The following SOX13 variants were observed in gnomAD, a reference collection of about 807,000 sequenced individuals.
The protein encoded by SOX13 is transcription factor SOX-13.
Under a neutral mutation model 71.8 loss-of-function variants are expected in SOX13, and 28 were observed. That is an observed-to-expected ratio of 0.39 (90% confidence interval 0.29 to 0.53). The LOEUF is 0.53. SOX13 is among the 20% of genes least tolerant of loss of function. SOX13 has a pLI of 0.70. For missense variants in SOX13, 627 were observed against 810.3 expected (o/e 0.77, Z 2.75); for synonymous variants, 309 against 317.8 (o/e 0.97, Z 0.29).
At chr1:204,115,014 A>AT (rs879275694) in intron 4 of SOX13, among the ~76,000 whole-genome samples, 5,695 of 142,144 alleles carry the variant, frequency 0.04, 145 homozygotes, top group African/African-American at 0.072. Context: ...CCTTAGAGTG[A>AT]TTTTTTTTTT....
intron 7 of SOX13, among the ~76,000 whole-genome samples, chr1:204,120,923 C>T (rs961496936): frequency 6.6e-6 from 1 of 151,698 alleles, no homozygotes; most frequent in East Asian, 1.9e-4. Flanking sequence ...TTTCATAGCT[C>T]TGTGGACAAC....
At chr1:204,101,483 T>TGGTGAGGCTG (rs1656359092) in intron 1 of SOX13, among the ~76,000 whole-genome samples, 1 of 135,064 alleles carries the variant, frequency 7.4e-6, no homozygotes, top group African/African-American at 2.9e-5. Context: ...CTGGGCAACA[T>TGGTGAGGCTG]AGCGAGATTC....
At chr1:204,078,876 CT>C (rs1655837600) in intron 1 of SOX13, among the ~76,000 whole-genome samples, 1 of 152,226 alleles carries the variant, frequency 6.6e-6, no homozygotes, top group Non-Finnish European at 1.5e-5. Context: ...AGAGTGACTG[CT>C]TTTTAAAAAA....
At chr1:204,125,499 G>A (rs1010482727) in intron 13 of SOX13, among the ~76,000 whole-genome samples, 4 of 152,194 alleles carry the variant, frequency 2.6e-5, no homozygotes, top group Non-Finnish European at 4.4e-5. Context: ...GGAGGCTGAC[G>A]CTGCAGTCAG....
rs770692505 is a variant in SOX13 at position 204,114,501 on chromosome 1, C to T, written c.332-18C>T. 5.6e-6 allele frequency: 9 copies of T among 1,610,488 alleles called. No homozygotes were observed. The South Asian group carries it at 9.9e-5, about 18-fold the overall frequency. On this transcript the variant is annotated intron_variant, in intron 3 of 13. Transcript: ENST00000367204. ...AGGTGTTAAGACGGTTATTCCTCAC[C>T]CCTTTGCTGTCTTCCAGTGGTGCCA...
At chr1:204,114,225 G>C in intron 2 of SOX13, 96 bp from the exon 3 acceptor site, 1 of 736,990 alleles carries the variant, frequency 1.4e-6, no homozygotes, top group South Asian at 1.8e-5. Flanking sequence ...ATAGGGCTGG[G>C]ATCCCTCAGG....
At chr1:204,116,796 T>G (rs1236339371) in intron 5 of SOX13, 117 bp downstream of exon 5, 1 of 1,517,714 alleles carries the variant, frequency 6.6e-7, no homozygotes, top group Non-Finnish European at 8.8e-7. Flanking sequence ...GGGGGCAGGC[T>G]GGGCAGGGTC....
intron 4 of SOX13, among the ~76,000 whole-genome samples, chr1:204,115,715 G>C (rs1189698535): frequency 3.8e-5 from 5 of 133,150 alleles, no homozygotes; most frequent in African/African-American, 5.7e-5. Flanking sequence ...TGCCCAGGCT[G>C]GAGCGTAGTG....
Position 204,073,521 on chromosome 1 carries a change from G to C in SOX13, c.-192G>C, listed in dbSNP as rs957692554. ...GCGGACCCAGGGTGGCCGTGGGTCCGCAGCGACTCCCCGGCCGACGGCGGG... is the reference window on the plus strand; with the variant it reads ...GCGGACCCAGGGTGGCCGTGGGTCCCCAGCGACTCCCCGGCCGACGGCGGG... On this transcript the variant is annotated 5_prime_UTR_variant, in exon 1 of 14. Coordinates refer to ENST00000367204, the MANE Select transcript of SOX13 (RefSeq NM_005686.3). The surrounding 1 kb of genome is among the most constrained non-coding windows in gnomAD (Gnocchi z 6.8). The C allele has an allele frequency of 5.9e-5, 9 of 151,616 alleles. No individual in the cohort carries two copies. In the East Asian group the frequency reaches 1.8e-3, roughly 30 times the overall value. The allele number at this position is 151,616 out of a possible 1,614,324, so 9.4% of individuals were successfully genotyped here.
chr1:204,082,331 C>T (rs1232729460), intron 1 of SOX13, among the ~76,000 whole-genome samples: 1 of 152,024 alleles, frequency 6.6e-6, no homozygotes, highest in Non-Finnish European at 1.5e-5. Flanking sequence ...CCATGGGAAC[C>T]AGGCAGGGCC....
intron 7 of SOX13, chr1:204,118,946 G>C (rs1656749673): frequency 6.6e-6 from 1 of 152,218 alleles, no homozygotes; most frequent in Admixed American, 6.5e-5. Context: ...CTAGCAGCAG[G>C]GGATGATACC....
chr1:204,115,508 A>AAG (rs1288821134), intron 4 of SOX13, among the ~76,000 whole-genome samples: 5 of 149,298 alleles, frequency 3.3e-5, no homozygotes, highest in Non-Finnish European at 7.4e-5. Context: ...AAAAAAAAAA[A>AAG]AAAAAGGTCT....
chr1:204,106,287 TGG>T (rs1463390207), intron 1 of SOX13, among the ~76,000 whole-genome samples: 7 of 152,108 alleles, frequency 4.6e-5, no homozygotes, highest in African/African-American at 1.4e-4. Context: ...TAATTGGGTG[TGG>T]GAGAAAAACC....
intron 1 of SOX13, among the ~76,000 whole-genome samples, chr1:204,094,435 A>T (rs112867620): frequency 1.3e-5 from 2 of 152,320 alleles, no homozygotes; most frequent in South Asian, 2.1e-4. Context: ...TTCCTAAGCA[A>T]CAGAGCTGGT....
chr1:204,123,029 G>A lies in SOX13; in HGVS notation c.1134+66G>A. The A allele has an allele frequency of 6.6e-7, 1 of 1,507,612 alleles. No homozygotes were observed. Among genetic ancestry groups the A allele is most frequent in the Non-Finnish European group, 9.2e-7 (1 of 1,087,518 alleles). The allele number at this position is 1,507,612 out of a possible 1,614,324, so 93.4% of individuals were successfully genotyped here. A position where few individuals can be genotyped will look rare whatever the true frequency, so the allele number is the denominator to read the frequency against. ...ATGGTGGCCAGGAGTGGAAGACACA[G>A]TCTGAGGCCACCAAGAGAGGAGCAT... On this transcript the variant is annotated intron_variant, in intron 10 of 13. Coordinates refer to ENST00000367204, the MANE Select transcript of SOX13 (RefSeq NM_005686.3). This position sits in a 1 kb window ranked among gnomAD's most constrained non-coding sequence, Gnocchi z 5.0.
intron 9 of SOX13, 35 bp from the exon 10 acceptor site, chr1:204,122,819 C>T (rs375132236): frequency 9.2e-5 from 124 of 1,352,272 alleles, no homozygotes; most frequent in Non-Finnish European, 1.2e-4. Flanking sequence ...CAGCTTCTCT[C>T]GCTTCTCTTC....
At chr1:204,093,048 A>G (rs1404356970) in intron 1 of SOX13, among the ~76,000 whole-genome samples, 1 of 152,052 alleles carries the variant, frequency 6.6e-6, no homozygotes, top group Non-Finnish European at 1.5e-5. Flanking sequence ...CTGTTTTTGG[A>G]GTGACCCCCA....
Position 204,089,935 on chromosome 1 carries a change from C to T in SOX13, c.-2+16224C>T, listed in dbSNP as rs554429364. 3.3e-5 allele frequency among the ~76,000 whole-genome samples: 5 copies of T among 152,306 alleles called. No homozygotes were observed. In the East Asian group the frequency reaches 5.8e-4, roughly 18 times the overall value. On this transcript the variant is annotated intron_variant, in intron 1 of 13. Coordinates refer to ENST00000367204, the MANE Select transcript of SOX13 (RefSeq NM_005686.3). ...CATCATCTAGTCTTCAAGGGGCCAGCATTGCGTAGAGGGCCATGGTGCCAG... is the reference window on the plus strand; with the variant it reads ...CATCATCTAGTCTTCAAGGGGCCAGTATTGCGTAGAGGGCCATGGTGCCAG...
At chr1:204,091,244 C>T (rs1224660014) in intron 1 of SOX13, among the ~76,000 whole-genome samples, 3 of 152,188 alleles carry the variant, frequency 2.0e-5, no homozygotes, top group Non-Finnish European at 4.4e-5. Flanking sequence ...AGACAAGTCG[C>T]GTTTCCTCGT....
Sources: gnomAD v4.1 joint callset for allele counts (sites outside exome capture counted in the v4.1 genomes callset) on GRCh38, gnomAD v4.1.1 for gene constraint, Gnocchi (gnomAD v3.1) non-coding constraint, MANE v1.5 for transcripts, NCBI Gene and HGNC (gene_info 2026-07-23, HGNC 2026-07-21) for gene names.